SPRYD7: variants seen among roughly 807,000 people sequenced by gnomAD.
SPRYD7 encodes SPRY domain-containing protein 7.
In SPRYD7, 14 loss-of-function variants were observed where a neutral mutation model predicts 23.8. The ratio of observed to expected loss-of-function variants is 0.59; its 90% CI spans 0.39 to 0.92. The LOEUF is 0.92. SPRYD7 is among the 40% of genes least tolerant of loss of function. SPRYD7 has a pLI of 0.00. For synonymous variants in SPRYD7, 75 were observed against 84.9 expected (o/e 0.88, Z 0.64); for missense variants, 194 against 241.7 (o/e 0.80, Z 1.31).
intron 4 of SPRYD7, among the ~76,000 whole-genome samples, chr13:49,917,863 AC>A (rs1238856193): frequency 6.6e-6 from 1 of 152,230 alleles, no homozygotes; most frequent in Non-Finnish European, 1.5e-5. Context: ...GTTTTAAAAC[AC>A]ACATTTACAT....
rs1955710393 is a variant in SPRYD7, at chr13:49,913,190, G to C, written c.*1873C>G. 1 of 152,208 alleles carries C rather than the reference G, an allele frequency of 6.6e-6. No individual in the cohort carries two copies. Among genetic ancestry groups the C allele is most frequent in the African/African-American group, 2.4e-5 (1 of 41,450 alleles). 9.4% of individuals were successfully genotyped at this position (152,208 alleles called of 1,614,324 possible). A position where few individuals can be genotyped will look rare whatever the true frequency, so the allele number is the denominator to read the frequency against. On this transcript the variant is annotated 3_prime_UTR_variant, in exon 5 of 5. Coordinates refer to ENST00000361840, the MANE Select transcript of SPRYD7 (RefSeq NM_020456.4). ...TAATTCCAGCACTTTGGGAGGCTGA[G>C]GGAGGTGGATCATGAGGTCAGGAGT... is the stretch of plus-strand genomic sequence containing the variant.
intron 4 of SPRYD7, among the ~76,000 whole-genome samples, chr13:49,915,654 C>A (rs1276448603): frequency 2.0e-5 from 3 of 152,182 alleles, no homozygotes; most frequent in African/African-American, 7.2e-5. Context: ...CTACTGTGAA[C>A]TAGACTGCAG....
At chr13:49,930,463 C>A (rs1238598083) in intron 2 of SPRYD7, among the ~76,000 whole-genome samples, 1 of 152,012 alleles carries the variant, frequency 6.6e-6, no homozygotes, top group Non-Finnish European at 1.5e-5. Context: ...TGCCTGTAAT[C>A]CCAGCTACTC....
Position 49,928,037 on chromosome 13 carries a change from A to C in SPRYD7, c.272T>G (p.Ile91Ser). ...VATQKVNLNQ[I>S]PLGRDMHSLV... ...ACTGTGCATATCTCGGCCAAGAGGAATCTGATTCAAGTTAACCTTCTGAGT... is the reference window on the plus strand; with the variant it reads ...ACTGTGCATATCTCGGCCAAGAGGACTCTGATTCAAGTTAACCTTCTGAGT... Residue 91 changes from isoleucine (I) to serine (S), a missense_variant, in exon 3 of 5, where the codon ATT (isoleucine) becomes AGT (serine). Ile to Ser is a moderately radical substitution (Grantham distance 142). Coordinates refer to ENST00000361840, the MANE Select transcript of SPRYD7 (RefSeq NM_020456.4). 1 of 1,614,090 alleles carries C rather than the reference A, an allele frequency of 6.2e-7. No individual in the cohort carries two copies. Among genetic ancestry groups the C allele is most frequent in the East Asian group, 2.2e-5 (1 of 44,880 alleles).
chr13:49,936,252 ACTC>A lies in SPRYD7; in HGVS notation c.-20_-18del. 1 of 1,572,372 alleles carries A rather than the reference ACTC, an allele frequency of 6.4e-7. No homozygotes were observed. Among genetic ancestry groups the A allele is most frequent in the Non-Finnish European group, 8.6e-7 (1 of 1,160,522 alleles). ...GGTGGCCATCGCGCAGGGACCACCG[ACTC>A]CGCCGCCGTCCCTAGACCGAGGCGA... On this transcript the variant is annotated 5_prime_UTR_variant, in exon 1 of 5. Transcript: ENST00000361840.
At chr13:49,919,719 T>G (rs1318594467) in intron 4 of SPRYD7, among the ~76,000 whole-genome samples, 4 of 123,556 alleles carry the variant, frequency 3.2e-5, no homozygotes, top group African/African-American at 1.3e-4. Flanking sequence ...AGAGTGAGAC[T>G]CTGTCTCAAA....
At chr13:49,921,781 A>G (rs1221553498) in intron 3 of SPRYD7, among the ~76,000 whole-genome samples, 1 of 152,246 alleles carries the variant, frequency 6.6e-6, no homozygotes, top group Non-Finnish European at 1.5e-5. Flanking sequence ...TAACATCCCA[A>G]GAGTCCACAT....
At chr13:49,919,193 G>A (rs921190011) in intron 4 of SPRYD7, among the ~76,000 whole-genome samples, 35 of 151,772 alleles carry the variant, frequency 2.3e-4, no homozygotes, top group Non-Finnish European at 4.9e-4. Context: ...GAGGTGGGCA[G>A]ATCACTTGAG....
chr13:49,935,273 T>C (rs1183509468), intron 1 of SPRYD7, among the ~76,000 whole-genome samples: 1 of 152,082 alleles, frequency 6.6e-6, no homozygotes, highest in Admixed American at 6.5e-5. Flanking sequence ...AGAAGTACAG[T>C]TAGAATAAAA....
intron 3 of SPRYD7, among the ~76,000 whole-genome samples, chr13:49,925,156 G>A (rs991357346): frequency 1.4e-4 from 21 of 151,844 alleles, no homozygotes; most frequent in African/African-American, 3.9e-4. Context: ...ACTTTGGGAG[G>A]CCAAGGTGGG....
chr13:49,927,833 A>T, intron 3 of SPRYD7, 86 bp downstream of exon 3: 1 of 1,452,664 alleles, frequency 6.9e-7, no homozygotes, highest in Non-Finnish European at 9.4e-7. Flanking sequence ...AATTCAAACC[A>T]CAAACTCCCA....
At chr13:49,921,428 C>T in intron 4 of SPRYD7, 50 bp downstream of exon 4, 1 of 1,184,348 alleles carries the variant, frequency 8.4e-7, no homozygotes, top group East Asian at 2.3e-5. Flanking sequence ...ATACACACAC[C>T]AAACAAGTTA....
Position 49,930,989 on chromosome 13 carries a change from TTTTAATAG to T in SPRYD7, c.223+21_223+28del, listed in dbSNP as rs753841236. ...TCTTAATATTTAGAACAATTAGGAC[TTTTAATAG>T]TAAAGTACCATTATACCAACCTGTG... On this transcript the variant is annotated intron_variant, in intron 2 of 4. Transcript: ENST00000361840. The T allele has an allele frequency of 2.2e-6, 3 of 1,349,858 alleles. No homozygotes were observed. In the South Asian group the frequency reaches 3.7e-5, roughly 17 times the overall value. The allele number at this position is 1,349,858 out of a possible 1,614,324, so 83.6% of individuals were successfully genotyped here.
intron 3 of SPRYD7, among the ~76,000 whole-genome samples, chr13:49,924,052 G>A (rs1057483461): frequency 5.8e-4 from 87 of 150,736 alleles, no homozygotes; most frequent in Admixed American, 7.3e-4. Context: ...GCGCAATCTC[G>A]GCTCACTGCA....
intron 4 of SPRYD7, among the ~76,000 whole-genome samples, chr13:49,916,303 G>C (rs1955750553): frequency 1.3e-5 from 2 of 152,094 alleles, no homozygotes; most frequent in African/African-American, 2.4e-5. Context: ...ATAGCTATTT[G>C]TTAAATTGCA....
intron 3 of SPRYD7, 132 bp from the exon 4 acceptor site, chr13:49,921,712 A>C (rs1292995851): frequency 2.3e-5 from 14 of 605,560 alleles, no homozygotes; most frequent in African/African-American, 5.5e-5. Context: ...ATTTGGTAGA[A>C]TCCTACTTGA....
In SPRYD7 at chr13:49,927,921, C is replaced by A. The variant is rs763906813; in HGVS notation, c.388G>T (p.Val130Leu). 10 of 1,614,052 alleles carry A rather than the reference C, an allele frequency of 6.2e-6. No homozygotes were observed. Among genetic ancestry groups the A allele is most frequent in the Non-Finnish European group, 8.5e-6 (10 of 1,180,010 alleles). ...AGCAACTCCATGAGGGAACTCACCA[C>A]CACATCTCCTTCCTGCGGAAGACTG... is the stretch of plus-strand genomic sequence containing the variant. ...ANSLPQEGDV[V>L]GITYDHVELN... The change falls in exon 3 of 5, where the codon GTG becomes TTG. Residue 130 changes from valine to leucine, a missense_variant and splice_region_variant. Coordinates refer to ENST00000361840, the MANE Select transcript of SPRYD7 (RefSeq NM_020456.4).
intron 3 of SPRYD7, among the ~76,000 whole-genome samples, 154 bp from the exon 4 acceptor site, chr13:49,921,734 A>G (rs1006987601): frequency 6.6e-6 from 1 of 152,226 alleles, no homozygotes; most frequent in Non-Finnish European, 1.5e-5. Context: ...CTGAGCTAAA[A>G]AAATGAGTAG....
chr13:49,917,466 T>G (rs1016558096), intron 4 of SPRYD7, among the ~76,000 whole-genome samples: 2 of 152,118 alleles, frequency 1.3e-5, no homozygotes, highest in Non-Finnish European at 2.9e-5. Flanking sequence ...TTCTACAGGC[T>G]GAGTGTAAGA....
Sources: allele counts gnomAD v4.1 joint callset (sites outside exome capture counted in the v4.1 genomes callset), GRCh38; gene constraint gnomAD v4.1.1; transcripts MANE v1.5; gene names NCBI Gene and HGNC (gene_info 2026-07-23, HGNC 2026-07-21).